Variants in RFPL1 observed in about 807,000 individuals in gnomAD.
The protein encoded by RFPL1 is ret finger protein like 1, also known as ret finger protein-like 1.
RFPL1 carries 6 observed loss-of-function variants against 9.6 expected under a neutral mutation model. The ratio of observed to expected loss-of-function variants is 0.62; its 90% CI spans 0.34 to 1.23. The LOEUF (loss-of-function observed/expected upper bound fraction) is 1.23, where lower values mean the gene tolerates loss of function less well. Among genes scored for constraint, RFPL1 ranks in the 50% most tolerant of loss-of-function variants. RFPL1 has a pLI of 0.03. For missense variants in RFPL1, 352 were observed against 398.4 expected (o/e 0.88, Z 0.99); for synonymous variants, 145 against 149.4 (o/e 0.97, Z 0.22).
chr22:29,400,590 T>C, the RFPL1 span, among the ~76,000 whole-genome samples: 2 of 152,208 alleles, frequency 1.3e-5, no homozygotes, highest in South Asian at 2.1e-4. Flanking sequence ...GTTCTTACCA[T>C]TTAGGATAAA....
At chr22:29,394,543 T>C in the RFPL1 span, among the ~76,000 whole-genome samples, 14 of 152,104 alleles carry the variant, frequency 9.2e-5, no homozygotes, top group African/African-American at 1.7e-4. Flanking sequence ...GGTTTCACCA[T>C]GTTGGCTAGG....
At chr22:29,441,408 GAA>G in intron 1 of RFPL1, 132 bp from the exon 2 acceptor site, 1 of 1,101,544 alleles carries the variant, frequency 9.1e-7, no homozygotes, top group Non-Finnish European at 1.3e-6. Flanking sequence ...GTTGCCTCAT[GAA>G]AAGTTTTGAT....
At chr22:29,407,199 A>G in the RFPL1 span, among the ~76,000 whole-genome samples, 1 of 151,588 alleles carries the variant, frequency 6.6e-6, no homozygotes, top group Admixed American at 6.6e-5. Context: ...GGTTCAGGGG[A>G]TCCTTCCACC....
chr22:29,438,836 C>T (rs61734573), exon 1 of RFPL1: 493 of 1,613,818 alleles, frequency 3.1e-4, no homozygotes, highest in Non-Finnish European at 4.0e-4. Context: ...TTTCACCTCA[C>T]GGAAATTTTC....
chr22:29,413,023 C>T, the RFPL1 span, among the ~76,000 whole-genome samples: 6 of 151,906 alleles, frequency 3.9e-5, no homozygotes, highest in Admixed American at 6.6e-5. Context: ...AGTGACTGGC[C>T]CTTATGCAGA....
the RFPL1 span, among the ~76,000 whole-genome samples, chr22:29,431,690 CTT>C: frequency 5.5e-5 from 8 of 145,022 alleles, no homozygotes; most frequent in East Asian, 2.0e-4. Context: ...TTTAAAAGTT[CTT>C]TTTTTTTTTT....
chr22:29,395,930 G>A, the RFPL1 span, among the ~76,000 whole-genome samples: 7 of 152,160 alleles, frequency 4.6e-5, no homozygotes, highest in Admixed American at 3.9e-4. Flanking sequence ...CTGAGATCAT[G>A]CCCGTCCACT....
chr22:29,406,767 T>A, the RFPL1 span, among the ~76,000 whole-genome samples: 23 of 152,354 alleles, frequency 1.5e-4, no homozygotes, highest in African/African-American at 5.3e-4. Context: ...ATAATACATT[T>A]CCTGGAATCT....
the RFPL1 span, among the ~76,000 whole-genome samples, chr22:29,410,217 A>G: frequency 7.2e-6 from 1 of 138,324 alleles, no homozygotes; most frequent in African/African-American, 2.7e-5. Context: ...AAGTATATCT[A>G]TATATATATA....
chr22:29,401,973 A>C, the RFPL1 span, among the ~76,000 whole-genome samples: 1 of 152,178 alleles, frequency 6.6e-6, no homozygotes, highest in Non-Finnish European at 1.5e-5. Context: ...TCACACATGC[A>C]GTATTGGCAC....
At chr22:29,442,220 A>G (rs2062844710) in exon 2 of RFPL1, 5 of 847,944 alleles carry the variant, frequency 5.9e-6, no homozygotes, top group Non-Finnish European at 8.9e-6. Context: ...ACAAAGTCAT[A>G]GGAGAAAAAT....
the RFPL1 span, among the ~76,000 whole-genome samples, chr22:29,401,945 C>A: frequency 6.6e-6 from 1 of 152,144 alleles, no homozygotes; most frequent in Admixed American, 6.5e-5. Context: ...CCTGAACTCA[C>A]GGAGGGTTGG....
chr22:29,433,974 T>C (rs956145087), upstream of RFPL1, among the ~76,000 whole-genome samples: 1 of 151,916 alleles, frequency 6.6e-6, no homozygotes, highest in Non-Finnish European at 1.5e-5. Flanking sequence ...ACTAGGCTGG[T>C]TGAGAATCTG....
At chr22:29,398,107 G>T in the RFPL1 span, among the ~76,000 whole-genome samples, 1 of 152,224 alleles carries the variant, frequency 6.6e-6, no homozygotes, top group South Asian at 2.1e-4. Flanking sequence ...GTGGTACGAA[G>T]CTGGTTAGTG....
At chr22:29,426,912 G>A in the RFPL1 span, among the ~76,000 whole-genome samples, 564 of 152,286 alleles carry the variant, frequency 3.7e-3, 2 homozygotes, top group African/African-American at 0.011. Flanking sequence ...GGAGTCTGGC[G>A]TTCTACCCAG....
the RFPL1 span, among the ~76,000 whole-genome samples, chr22:29,416,637 G>T: frequency 2.6e-5 from 4 of 152,184 alleles, no homozygotes; most frequent in African/African-American, 9.7e-5. Flanking sequence ...TCGCAGGGAA[G>T]CAGGATGGCT....
the RFPL1 span, among the ~76,000 whole-genome samples, chr22:29,391,120 C>T: frequency 0.025 from 3,731 of 151,596 alleles, 139 homozygotes; most frequent in African/African-American, 0.087. Flanking sequence ...CCAGCCTGGG[C>T]GACGGAGTGA....
the RFPL1 span, among the ~76,000 whole-genome samples, chr22:29,419,915 A>G: frequency 6.6e-6 from 1 of 152,220 alleles, no homozygotes; most frequent in Non-Finnish European, 1.5e-5. Context: ...CATCAAAAAC[A>G]TGATGGCAGG....
chr22:29,409,007 G>GT, the RFPL1 span, among the ~76,000 whole-genome samples: 35 of 148,182 alleles, frequency 2.4e-4, no homozygotes, highest in South Asian at 6.4e-4. Context: ...TCCTCATGGT[G>GT]TTTTTTTTTT....
Sources: allele counts gnomAD v4.1 joint callset (sites outside exome capture counted in the v4.1 genomes callset), GRCh38; gene constraint gnomAD v4.1.1; transcripts MANE v1.5; gene names NCBI Gene and HGNC (gene_info 2026-07-23, HGNC 2026-07-21).